The following SCN3A variants were observed in gnomAD, a reference collection of about 807,000 sequenced individuals.
The protein encoded by SCN3A is sodium channel protein type 3 subunit alpha.
Under a neutral mutation model 187.6 loss-of-function variants are expected in SCN3A, and 60 were observed. The observed-to-expected ratio is 0.32, with a 90% CI of 0.26 to 0.40. The LOEUF is 0.40. Ranked by LOEUF, SCN3A falls within the 10% of genes least tolerant of loss-of-function variation. The pLI is 1.00. For synonymous variants in SCN3A, 788 were observed against 829.2 expected, an observed-to-expected ratio of 0.95 and a Z score of 0.85; for missense variants, 1,601 against 2,428.2, an observed-to-expected ratio of 0.66 and a Z score of 7.16.
At chr2:165,187,394 A>C (rs1013830751) in intron 1 of SCN3A, among the ~76,000 whole-genome samples, 1 of 152,214 alleles carries the variant, frequency 6.6e-6, no homozygotes, top group African/African-American at 2.4e-5. Flanking sequence ...TTAAACCAAT[A>C]ATAATAATTT....
At chr2:165,127,167 T>C (rs759339779) in intron 18 of SCN3A, among the ~76,000 whole-genome samples, 19 of 152,276 alleles carry the variant, frequency 1.2e-4, no homozygotes, top group Non-Finnish European at 2.4e-4. Flanking sequence ...TAAGCAATCC[T>C]CCCACCTCAG....
Position 165,091,146 on chromosome 2 carries a change from A to G in SCN3A, c.5007T>C (p.Tyr1669=), listed in dbSNP as rs367714597. 30 of 1,614,042 alleles carry G rather than the reference A, an allele frequency of 1.9e-5. No homozygotes were observed. The African/African-American group carries it at 1.9e-4, about 10-fold the overall frequency. The part of the protein sequence containing the change: ...GLLLFLVMFI[Y]AIFGMSNFAY... Reference sequence around the variant, plus strand: ...CAAAGTTGGACATCCCAAAGATGGCATAGATAAACATGACCAGGAAGAGCA... The same window carrying G: ...CAAAGTTGGACATCCCAAAGATGGCGTAGATAAACATGACCAGGAAGAGCA... The change falls in exon 28 of 28, where the codon TAT becomes TAC. Residue 1669 remains tyrosine, a synonymous_variant. Coordinates refer to ENST00000283254, the MANE Select transcript of SCN3A (RefSeq NM_006922.4).
intron 9 of SCN3A, among the ~76,000 whole-genome samples, chr2:165,157,261 A>G (rs1478369706): frequency 2.0e-5 from 3 of 152,154 alleles, no homozygotes; most frequent in African/African-American, 7.2e-5. Flanking sequence ...CATTCAGGAT[A>G]CACATCGCAT....
intron 18 of SCN3A, among the ~76,000 whole-genome samples, chr2:165,116,883 G>A (rs1385560848): frequency 6.6e-6 from 1 of 150,382 alleles, no homozygotes; most frequent in Non-Finnish European, 1.5e-5. Flanking sequence ...TTGGAGTATG[G>A]TAAATAGAGA....
chr2:165,129,867 A>G (rs1012552346), intron 17 of SCN3A, 73 bp downstream of exon 17: 34 of 1,573,860 alleles, frequency 2.2e-5, no homozygotes, highest in Non-Finnish European at 2.7e-5. Flanking sequence ...AGATATGTTT[A>G]CTACATCTGG....
intron 9 of SCN3A, among the ~76,000 whole-genome samples, chr2:165,158,520 C>G (rs1487959876): frequency 7.3e-6 from 1 of 136,094 alleles, no homozygotes; most frequent in Non-Finnish European, 1.5e-5. Context: ...TCTTAGAGAA[C>G]AGGTTCTCAC....
intron 19 of SCN3A, 60 bp downstream of exon 19, chr2:165,115,394 AT>A (rs1474251928): frequency 6.2e-7 from 1 of 1,607,654 alleles, no homozygotes; most frequent in African/African-American, 1.3e-5. Flanking sequence ...TAAATGAGGC[AT>A]ATTCAGTCTC....
At chr2:165,116,636 A>G (rs1686380661) in intron 18 of SCN3A, among the ~76,000 whole-genome samples, 1 of 152,180 alleles carries the variant, frequency 6.6e-6, no homozygotes, top group African/African-American at 2.4e-5. Context: ...TAAAAAGGCC[A>G]TAAACACAGT....
chr2:165,139,573 C>T lies in SCN3A; in HGVS notation c.2055G>A (p.Arg685=). ...TTTETEVRKR[R]LSSYQISMEM... is the part of the protein sequence containing the mutation. The stretch of plus-strand genomic sequence containing the variant: ...CCATTGAAATCTGGTAAGAGCTTAA[C>T]CTTCTCTTTCTGACTTCCGTTTCTG... The change falls in exon 14 of 28, where the codon AGG becomes AGA. Residue 685 remains arginine, a synonymous_variant. Coordinates refer to ENST00000283254, the MANE Select transcript of SCN3A (RefSeq NM_006922.4). 2 of 1,613,862 alleles carry T rather than the reference C, an allele frequency of 1.2e-6. No homozygotes were observed. Among genetic ancestry groups the T allele is most frequent in the Non-Finnish European group, 8.5e-7 (1 of 1,179,886 alleles).
intron 14 of SCN3A, among the ~76,000 whole-genome samples, chr2:165,138,481 AC>A (rs1232901946): frequency 1.3e-5 from 2 of 152,230 alleles, no homozygotes; most frequent in African/African-American, 4.8e-5. Flanking sequence ...TTCTGAAAGT[AC>A]CTTTTTAAAA....
At chr2:165,095,894 A>G (rs1685343029) in intron 24 of SCN3A, among the ~76,000 whole-genome samples, 1 of 152,124 alleles carries the variant, frequency 6.6e-6, no homozygotes, top group South Asian at 2.1e-4. Flanking sequence ...TAACATAAAT[A>G]CGGTGATATA....
intron 16 of SCN3A, 154 bp from the exon 17 acceptor site, chr2:165,130,450 T>C: frequency 1.3e-6 from 1 of 740,760 alleles, no homozygotes; most frequent in Non-Finnish European, 2.2e-6. Context: ...AAAAATAGTG[T>C]TAACAATATT....
At chr2:165,156,245 G>T (rs895832843) in intron 9 of SCN3A, among the ~76,000 whole-genome samples, 1 of 152,000 alleles carries the variant, frequency 6.6e-6, no homozygotes, top group Non-Finnish European at 1.5e-5. Context: ...AGTGGCTCAC[G>T]CCTGTAATCC....
intron 17 of SCN3A, among the ~76,000 whole-genome samples, chr2:165,128,850 A>G (rs1381806693): frequency 1.3e-5 from 2 of 152,154 alleles, no homozygotes; most frequent in Admixed American, 1.3e-4. Context: ...AACTTTCAGA[A>G]TATCATGGGA....
intron 1 of SCN3A, among the ~76,000 whole-genome samples, chr2:165,187,742 G>A (rs1013883077): frequency 2.0e-5 from 3 of 152,136 alleles, no homozygotes; most frequent in African/African-American, 7.2e-5. Context: ...AAGTATGGAA[G>A]TGCCTTCATG....
At chr2:165,100,773 T>G (rs1685567642) in intron 21 of SCN3A, among the ~76,000 whole-genome samples, 1 of 152,226 alleles carries the variant, frequency 6.6e-6, no homozygotes, top group South Asian at 2.1e-4. Context: ...AAATTATTGA[T>G]TAGAAATAAT....
chr2:165,178,019 A>T (rs1470343582), intron 2 of SCN3A, among the ~76,000 whole-genome samples: 1 of 152,080 alleles, frequency 6.6e-6, no homozygotes, highest in African/African-American at 2.4e-5. Flanking sequence ...GCTCCGTAGT[A>T]GTTTATCCCT....
chr2:165,160,564 T>C (rs1189333506), intron 9 of SCN3A, among the ~76,000 whole-genome samples: 1 of 152,094 alleles, frequency 6.6e-6, no homozygotes, highest in Non-Finnish European at 1.5e-5. Context: ...TTTATGTTAA[T>C]CATCATCATA....
At chr2:165,103,473 T>C (rs1685703091) in intron 21 of SCN3A, among the ~76,000 whole-genome samples, 1 of 152,206 alleles carries the variant, frequency 6.6e-6, no homozygotes, top group Non-Finnish European at 1.5e-5. Context: ...CTCTTGCCAA[T>C]GTGTGCAAAG....
Sources: allele counts gnomAD v4.1 joint callset (sites outside exome capture counted in the v4.1 genomes callset), GRCh38; gene constraint gnomAD v4.1.1; transcripts MANE v1.5; gene names NCBI Gene and HGNC (gene_info 2026-07-23, HGNC 2026-07-21).